UBOX5: variants seen among roughly 807,000 people sequenced by gnomAD.
The protein encoded by UBOX5 is RING finger protein 37.
In UBOX5, 28 loss-of-function variants were observed where a neutral mutation model predicts 39.0. The ratio of observed to expected loss-of-function variants is 0.72; its 90% confidence interval spans 0.53 to 0.98. The LOEUF (loss-of-function observed/expected upper bound fraction) is 0.98. UBOX5 is among the 50% of genes least tolerant of loss of function. The pLI is 0.00. For missense variants in UBOX5, 585 were observed against 674.4 expected (o/e 0.87, Z 1.47); for synonymous variants, 283 against 275.5 (o/e 1.03, Z -0.27).
At chr20:3,127,221 C>T (rs1264797865) in intron 1 of UBOX5, among the ~76,000 whole-genome samples, 3 of 152,106 alleles carry the variant, frequency 2.0e-5, no homozygotes, top group African/African-American at 7.2e-5. Context: ...TTATGCTTTT[C>T]TCCCTGACAG....
In UBOX5 at chr20:3,108,894, C is replaced by A. The variant is rs953092166; in HGVS notation, c.*1212G>T. ...GCTGCAATGAGTTATGATTGCACCA[C>A]TGCCCTCAAGCTTGGGCAACAGAGA... On this transcript the variant is annotated 3_prime_UTR_variant, in exon 5 of 5. Transcript: ENST00000217173. 10 of 149,778 alleles carry A rather than the reference C, an allele frequency of 6.7e-5. No homozygotes were observed. Among genetic ancestry groups the A allele is most frequent in the Non-Finnish European group, 3.0e-5 (2 of 67,786 alleles). The allele number at this position is 149,778 out of a possible 1,614,324, so 9.3% of individuals were successfully genotyped here. A position where few individuals can be genotyped will look rare whatever the true frequency, so the allele number is the denominator to read the frequency against.
intron 1 of UBOX5, chr20:3,147,222 TTAA>T (rs1334398063): frequency 6.2e-7 from 1 of 1,614,122 alleles, no homozygotes; most frequent in Non-Finnish European, 8.5e-7. Context: ...TGCTCAAGCC[TTAA>T]TTTGGCTACA....
intron 3 of UBOX5, 42 bp downstream of exon 3, chr20:3,121,342 G>T: frequency 6.4e-7 from 1 of 1,569,722 alleles, no homozygotes; most frequent in Non-Finnish European, 8.6e-7. Flanking sequence ...TCCTGGGAAG[G>T]AGATGGATGA....
chr20:3,136,770 C>T (rs944204189), intron 1 of UBOX5, among the ~76,000 whole-genome samples: 1 of 152,044 alleles, frequency 6.6e-6, no homozygotes, highest in Non-Finnish European at 1.5e-5. Flanking sequence ...ATTCTCCTGC[C>T]TCAGCCTCCC....
intron 1 of UBOX5, among the ~76,000 whole-genome samples, chr20:3,131,228 C>CA (rs112248218): frequency 0.024 from 2,829 of 116,276 alleles, 69 homozygotes; most frequent in African/African-American, 0.076. Flanking sequence ...GACTCCATCT[C>CA]AAAAAAAAAA....
At position 3,133,757 on chromosome 20, in the gene UBOX5, G is replaced by GC. The variant is rs373322613; in HGVS notation, c.-41-10352_-41-10351insG. On this transcript the variant is annotated intron_variant, in intron 1 of 4. Coordinates refer to ENST00000217173, the MANE Select transcript of UBOX5 (RefSeq NM_014948.4). ...GCTCTTTTTTTTTCTTATTTTTTTT[G>GC]GGGGGGGGAAACAGGCTCTCACTCC... 3.6e-4 allele frequency among the ~76,000 whole-genome samples: 18 copies of GC among 49,824 alleles called. 1 individual carries two copies. The highest frequency in any genetic ancestry group is 6.0e-4 in the Admixed American group (3 of 5,014). The allele number at this position is 49,824 out of a possible 152,430, so 32.7% of individuals were successfully genotyped here. A position where few individuals can be genotyped will look rare whatever the true frequency, so the allele number is the denominator to read the frequency against.
At chr20:3,122,911 A>G (rs938681394) in intron 2 of UBOX5, among the ~76,000 whole-genome samples, 2 of 151,938 alleles carry the variant, frequency 1.3e-5, no homozygotes, top group African/African-American at 4.8e-5. Context: ...GCAAGACCCC[A>G]TATCCCTTTT....
chr20:3,109,015 C>T lies in UBOX5; in HGVS notation c.*1091G>A, dbSNP rs1200628806. On this transcript the variant is annotated 3_prime_UTR_variant, in exon 5 of 5. Coordinates refer to ENST00000217173, the MANE Select transcript of UBOX5 (RefSeq NM_014948.4). ...GGTGTGGACTAGAGCTCTGGACGGC[C>T]TAAAGGAAAGGAATGTGCCGGTTCA... 5 of 151,572 alleles carry T rather than the reference C, an allele frequency of 3.3e-5. No homozygotes were observed. The highest frequency in any genetic ancestry group is 1.2e-4 in the African/African-American group (5 of 41,234). 9.4% of individuals were successfully genotyped at this position (151,572 alleles called of 1,614,324 possible).
At chr20:3,132,817 CA>C (rs11331937) in intron 1 of UBOX5, among the ~76,000 whole-genome samples, 81,280 of 124,380 alleles carry the variant, frequency 0.65, 25,503 homozygotes, top group East Asian at 0.96. Flanking sequence ...GGGACTGTCT[CA>C]AAAAAAAAAA....
chr20:3,135,817 G>C (rs1279801579), intron 1 of UBOX5, among the ~76,000 whole-genome samples: 1 of 151,986 alleles, frequency 6.6e-6, no homozygotes, highest in East Asian at 1.9e-4. Flanking sequence ...CTACTGGTCA[G>C]AAGTAAGTCA....
At chr20:3,148,488 C>A in intron 1 of UBOX5, 2 of 1,614,118 alleles carry the variant, frequency 1.2e-6, no homozygotes, top group Middle Eastern at 1.6e-4. Flanking sequence ...ATCTTCTTCA[C>A]ACTCAGCTGG....
At chr20:3,113,851 A>C (rs2066273379) in intron 4 of UBOX5, among the ~76,000 whole-genome samples, 1 of 152,154 alleles carries the variant, frequency 6.6e-6, no homozygotes, top group South Asian at 2.1e-4. Flanking sequence ...GAGGATGCTG[A>C]GCCTGGCCAT....
At chr20:3,155,912 A>G (rs1341126153) in intron 1 of UBOX5, among the ~76,000 whole-genome samples, 1 of 152,228 alleles carries the variant, frequency 6.6e-6, no homozygotes, top group Admixed American at 6.5e-5. Flanking sequence ...AACTGTATCT[A>G]CATACACAGG....
At chr20:3,136,399 G>A (rs1384535199) in intron 1 of UBOX5, among the ~76,000 whole-genome samples, 1 of 151,820 alleles carries the variant, frequency 6.6e-6, no homozygotes, top group African/African-American at 2.4e-5. Context: ...TGTCACCTAG[G>A]CTGGAGTGCA....
chr20:3,130,465 T>C (rs1482248115), intron 1 of UBOX5, among the ~76,000 whole-genome samples: 1 of 151,688 alleles, frequency 6.6e-6, no homozygotes, highest in Non-Finnish European at 1.5e-5. Context: ...CCTGCCTGAG[T>C]GCCCCAAGTC....
intron 1 of UBOX5, among the ~76,000 whole-genome samples, chr20:3,154,898 G>A (rs937612704): frequency 5.9e-5 from 9 of 151,578 alleles, no homozygotes; most frequent in Non-Finnish European, 1.3e-4. Context: ...TAATAAAGAA[G>A]TACAATTGGA....
intron 1 of UBOX5, chr20:3,147,761 A>T: frequency 1.2e-6 from 2 of 1,614,166 alleles, no homozygotes; most frequent in Non-Finnish European, 1.7e-6. Flanking sequence ...CAGAGTTCCA[A>T]ATGACCACAG....
chr20:3,147,649 G>A (rs368594039), intron 1 of UBOX5: 15 of 1,614,126 alleles, frequency 9.3e-6, no homozygotes, highest in Middle Eastern at 1.6e-4. Flanking sequence ...CCAGCAGGCA[G>A]GTGGGCAGGT....
intron 1 of UBOX5, among the ~76,000 whole-genome samples, chr20:3,141,571 G>T (rs1007934142): frequency 2.0e-5 from 3 of 152,076 alleles, no homozygotes; most frequent in Non-Finnish European, 4.4e-5. Flanking sequence ...ACTTGAACCC[G>T]GGAGGCGGAG....
Sources: gnomAD v4.1 joint callset for allele counts (sites outside exome capture counted in the v4.1 genomes callset) on GRCh38, gnomAD v4.1.1 for gene constraint, MANE v1.5 for transcripts, NCBI Gene and HGNC (gene_info 2026-07-23, HGNC 2026-07-21) for gene names.